The following FRMPD4 variants were observed in gnomAD, a reference collection of about 807,000 sequenced individuals.
FRMPD4 encodes the protein FERM and PDZ domain-containing protein 4.
In FRMPD4, 22 loss-of-function variants were observed where a neutral mutation model predicts 94.1. The ratio of observed to expected loss-of-function variants is 0.23; its 90% confidence interval spans 0.17 to 0.33. FRMPD4 has a LOEUF of 0.33. FRMPD4 is among the 10% of genes least tolerant of loss of function. The pLI, the probability that FRMPD4 is intolerant of heterozygous loss-of-function variation, is 1.00. For missense variants in FRMPD4, 1,111 were observed against 1,339.9 expected, an observed-to-expected ratio of 0.83 and a Z score of 2.67; for synonymous variants, 631 against 548.6, an observed-to-expected ratio of 1.15 and a Z score of -2.10.
chrX:11,843,515 T>C (rs2053552442), intron 1 of FRMPD4, among the ~76,000 whole-genome samples: 1 of 111,830 alleles, frequency 8.9e-6, no homozygotes, highest in South Asian at 3.7e-4. Context: ...TAGTCTTTGA[T>C]GCTTATCCAT....
chrX:11,836,270 G>A (rs922921307), intron 1 of FRMPD4, among the ~76,000 whole-genome samples: 18 of 111,911 alleles, frequency 1.6e-4, no homozygotes, highest in African/African-American at 5.2e-4. Flanking sequence ...ACATACCAAA[G>A]CTAATGTTTT....
intron 1 of FRMPD4, among the ~76,000 whole-genome samples, chrX:11,847,786 A>G (rs1169770346): frequency 1.9e-5 from 2 of 104,531 alleles, no homozygotes; most frequent in Non-Finnish European, 3.9e-5. Flanking sequence ...GCAAGAACAA[A>G]AAACCAAACA....
At chrX:12,119,482 C>T (rs1377531219) in intron 3 of FRMPD4, among the ~76,000 whole-genome samples, 1 of 111,683 alleles carries the variant, frequency 9.0e-6, no homozygotes, top group East Asian at 2.8e-4. Flanking sequence ...TTAAAATCTA[C>T]CTTATTAGAG....
At position 12,619,755 on chromosome X, in the gene FRMPD4, C is replaced by T. The variant is rs1401484814; in HGVS notation, c.422+4874C>T. On this transcript the variant is annotated intron_variant, in intron 4 of 16. Coordinates refer to ENST00000675598, the MANE Select transcript of FRMPD4 (RefSeq NM_001368397.1). ...CCCTAGAGTGGCTTGTGACCAAGCTCCAGCCTCTCTCAGCCATTGTCTGCG... is the reference window on the plus strand; with the variant it reads ...CCCTAGAGTGGCTTGTGACCAAGCTTCAGCCTCTCTCAGCCATTGTCTGCG... Among the ~76,000 whole-genome samples the T allele has an allele frequency of 2.7e-5, 3 of 112,251 alleles. No individual in the cohort carries two copies. In the East Asian group the frequency reaches 8.4e-4, roughly 31 times the overall value.
intron 1 of FRMPD4, among the ~76,000 whole-genome samples, chrX:12,226,514 C>T (rs1376989214): frequency 9.0e-6 from 1 of 111,395 alleles, no homozygotes; most frequent in African/African-American, 3.3e-5. Context: ...GTGACGGGTC[C>T]GAGGTTTTTT....
chrX:12,649,764 C>T (rs1205754359), intron 4 of FRMPD4, among the ~76,000 whole-genome samples: 2 of 112,453 alleles, frequency 1.8e-5, no homozygotes, highest in African/African-American at 6.5e-5. Context: ...CTTATACTGG[C>T]GATTCTTCTG....
chrX:11,968,128 G>A (rs2054321167), intron 3 of FRMPD4, among the ~76,000 whole-genome samples: 1 of 110,663 alleles, frequency 9.0e-6, no homozygotes, highest in Non-Finnish European at 1.9e-5. Flanking sequence ...GGGAAAATGA[G>A]GTCAAAAGAA....
chrX:12,407,609 G>A (rs1412656008), intron 1 of FRMPD4, among the ~76,000 whole-genome samples: 1 of 112,293 alleles, frequency 8.9e-6, no homozygotes, highest in African/African-American at 3.2e-5. Flanking sequence ...TATTGATGTT[G>A]TCACTCATGG....
At chrX:12,627,865 GA>G (rs2059360645) in intron 4 of FRMPD4, among the ~76,000 whole-genome samples, 1 of 111,646 alleles carries the variant, frequency 9.0e-6, no homozygotes, top group Non-Finnish European at 1.9e-5. Context: ...ACTTTATTAA[GA>G]AAAAAATGGA....
chrX:12,446,499 T>C (rs1447967831), intron 1 of FRMPD4, among the ~76,000 whole-genome samples: 7 of 112,299 alleles, frequency 6.2e-5, no homozygotes, highest in Admixed American at 9.4e-5. Context: ...GGCTCTCATC[T>C]TGAATTGTAG....
intron 4 of FRMPD4, among the ~76,000 whole-genome samples, chrX:12,668,414 A>T (rs1025006141): frequency 9.0e-6 from 1 of 111,084 alleles, no homozygotes; most frequent in Non-Finnish European, 1.9e-5. Context: ...AATTAAAGTC[A>T]ATCTAGATTA....
At chrX:12,486,865 C>A (rs1255656627) in intron 1 of FRMPD4, among the ~76,000 whole-genome samples, 2 of 111,826 alleles carry the variant, frequency 1.8e-5, no homozygotes, top group Non-Finnish European at 3.8e-5. Flanking sequence ...TGATAACATG[C>A]CTATCATTGG....
intron 2 of FRMPD4, among the ~76,000 whole-genome samples, chrX:12,541,337 G>A (rs1051359852): frequency 2.7e-5 from 3 of 110,615 alleles, no homozygotes; most frequent in East Asian, 2.8e-4. Context: ...ATTGATAGAC[G>A]GCTACCAAGA....
chrX:12,584,188 G>T (rs781103109), intron 2 of FRMPD4, among the ~76,000 whole-genome samples: 23 of 112,392 alleles, frequency 2.0e-4, no homozygotes, highest in Non-Finnish European at 3.4e-4. Context: ...GGCCAAAACC[G>T]GTCCAGCCTT....
intron 4 of FRMPD4, among the ~76,000 whole-genome samples, chrX:12,654,041 C>T (rs375858657): frequency 1.3e-4 from 14 of 111,963 alleles, no homozygotes; most frequent in Admixed American, 3.8e-4. Flanking sequence ...AAAGTGCTGG[C>T]ATTACAGGCG....
chrX:12,417,224 A>ATGT (rs1376899449), intron 1 of FRMPD4, among the ~76,000 whole-genome samples: 1 of 111,527 alleles, frequency 9.0e-6, no homozygotes, highest in African/African-American at 3.3e-5. Context: ...TCACTTCAAA[A>ATGT]TGTTGCTAGA....
intron 1 of FRMPD4, among the ~76,000 whole-genome samples, chrX:12,305,550 T>A (rs1026283741): frequency 7.7e-5 from 5 of 64,637 alleles, no homozygotes; most frequent in African/African-American, 3.0e-4. Context: ...GATTAAATTC[T>A]TTCCATAATC....
At chrX:12,082,943 T>TA (rs2055074095) in intron 3 of FRMPD4, among the ~76,000 whole-genome samples, 1 of 112,513 alleles carries the variant, frequency 8.9e-6, no homozygotes, top group African/African-American at 3.2e-5. Context: ...CAATCCATTT[T>TA]AAAAGGGAAA....
At chrX:12,332,201 TATATATAGAGAGAGAGAGAGAG>T (rs1569234924) in intron 1 of FRMPD4, among the ~76,000 whole-genome samples, 11 of 67,904 alleles carry the variant, frequency 1.6e-4, no homozygotes, top group Non-Finnish European at 2.4e-4. Flanking sequence ...TATATATATA[TATATATAGAGAGAGAGAGAGAG>T]AGAGAGAGAG....
Sources: allele counts gnomAD v4.1 joint callset (sites outside exome capture counted in the v4.1 genomes callset), GRCh38; gene constraint gnomAD v4.1.1; transcripts MANE v1.5; gene names NCBI Gene and HGNC (gene_info 2026-07-23, HGNC 2026-07-21).